Variants in FBXW8 observed in about 807,000 individuals in gnomAD.
The protein encoded by FBXW8 is F-box/WD repeat-containing protein 8.
Under a neutral mutation model 65.3 loss-of-function variants are expected in FBXW8, and 57 were observed. The ratio of observed to expected loss-of-function variants is 0.87; its 90% CI spans 0.71 to 1.09. The LOEUF is 1.09. FBXW8 is among the 50% of genes least tolerant of loss of function. The probability of loss-of-function intolerance (pLI) is 0.00; values close to 1 mark genes in which losing one functional copy is unlikely to be tolerated. For missense variants in FBXW8, 777 were observed against 814.8 expected, an observed-to-expected ratio of 0.95 and a Z score of 0.57; for synonymous variants, 308 against 330.2, an observed-to-expected ratio of 0.93 and a Z score of 0.73.
intron 4 of FBXW8, chr12:116,950,974 A>G (rs974650873): frequency 6.6e-6 from 1 of 152,230 alleles, no homozygotes; most frequent in Non-Finnish European, 1.5e-5. Flanking sequence ...GACTGGACTG[A>G]AAGAGTCGCA....
At chr12:116,922,563 A>G (rs1300524532) in intron 1 of FBXW8, among the ~76,000 whole-genome samples, 1 of 152,214 alleles carries the variant, frequency 6.6e-6, no homozygotes, top group Non-Finnish European at 1.5e-5. Context: ...GGCTCTTAGT[A>G]ATTATCTGTT....
intron 5 of FBXW8, among the ~76,000 whole-genome samples, chr12:116,984,615 A>G (rs955846264): frequency 8.5e-5 from 13 of 152,254 alleles, no homozygotes. Context: ...TGCTACATGT[A>G]GGAAATTTCA....
chr12:116,962,958 G>A (rs1884074341), intron 4 of FBXW8, among the ~76,000 whole-genome samples: 1 of 152,220 alleles, frequency 6.6e-6, no homozygotes, highest in Non-Finnish European at 1.5e-5. Flanking sequence ...TGGAGAGCCT[G>A]GGGGCCAGTG....
chr12:117,010,000 C>T (rs925195040), intron 7 of FBXW8, among the ~76,000 whole-genome samples: 3 of 152,164 alleles, frequency 2.0e-5, no homozygotes, highest in Non-Finnish European at 4.4e-5. Context: ...TCAGTGGCCC[C>T]GTGGTTTCCA....
In FBXW8 at chr12:116,961,174, T is replaced by A. The variant is rs1263761358; in HGVS notation, c.678-3523T>A. Among the ~76,000 whole-genome samples, 3 of 152,198 alleles carry A rather than the reference T, an allele frequency of 2.0e-5. No homozygotes were observed. Among genetic ancestry groups the A allele is most frequent in the Non-Finnish European group, 4.4e-5 (3 of 68,028 alleles). ...CCACACCTGGCTAATTTTTGCATTT[T>A]TAGTAGAGACGAGGTTTCACCCTGT... On this transcript the variant is annotated intron_variant, in intron 4 of 10. Transcript: ENST00000652555. The surrounding 1 kb of genome is among the most constrained non-coding windows in gnomAD (Gnocchi z 4.4).
intron 2 of FBXW8, 89 bp from the exon 3 acceptor site, chr12:116,945,275 G>T: frequency 7.6e-7 from 1 of 1,323,026 alleles, no homozygotes; most frequent in Non-Finnish European, 1.0e-6. Flanking sequence ...TAAACCCAGG[G>T]CAATAATATA....
chr12:117,028,166 T>C lies in FBXW8; in HGVS notation c.1791T>C (p.His597=), dbSNP rs761154152. Residue 597 remains histidine (H), a synonymous_variant, in exon 11 of 11, where the codon CAT becomes CAC. Transcript: ENST00000652555. This position sits in a 1 kb window ranked among gnomAD's most constrained non-coding sequence, Gnocchi z 4.1. ...YDLALAFPYN[H]V is the part of the protein sequence containing the mutation. ...TCGCACTGGCCTTTCCCTATAACCA[T>C]GTTTAGGGATGTGCCTCAGTTGGGA... is the stretch of plus-strand genomic sequence containing the variant. 1 of 1,613,936 alleles carries C rather than the reference T, an allele frequency of 6.2e-7. No homozygotes were observed. The highest frequency in any genetic ancestry group is 1.1e-5 in the South Asian group (1 of 91,074).
intron 1 of FBXW8, among the ~76,000 whole-genome samples, chr12:116,914,622 T>C (rs1430110599): frequency 2.9e-5 from 4 of 136,374 alleles, no homozygotes; most frequent in Non-Finnish European, 6.3e-5. Flanking sequence ...ATACCTGTAA[T>C]CCCAGCACTT....
At chr12:116,932,957 T>C (rs951383288) in intron 2 of FBXW8, among the ~76,000 whole-genome samples, 1 of 152,192 alleles carries the variant, frequency 6.6e-6, no homozygotes. Context: ...TTGGCAGATA[T>C]TTTTTGATGC....
At chr12:117,000,110 T>G (rs948102830) in intron 7 of FBXW8, among the ~76,000 whole-genome samples, 1 of 151,598 alleles carries the variant, frequency 6.6e-6, no homozygotes, top group Non-Finnish European at 1.5e-5. Flanking sequence ...GCCTCCCGAG[T>G]AGCTGGGACT....
At chr12:116,930,853 G>A (rs1049152147) in intron 2 of FBXW8, among the ~76,000 whole-genome samples, 7 of 152,104 alleles carry the variant, frequency 4.6e-5, no homozygotes, top group African/African-American at 1.7e-4. Flanking sequence ...TGTTGCCCAG[G>A]CTGGCATGCA....
intron 5 of FBXW8, among the ~76,000 whole-genome samples, chr12:116,968,546 T>A (rs1013053346): frequency 1.3e-5 from 2 of 152,312 alleles, no homozygotes; most frequent in South Asian, 4.1e-4. Context: ...ACAGTTGTGT[T>A]GTGTTTGCCG....
At chr12:116,975,241 C>G (rs1042232349) in intron 5 of FBXW8, among the ~76,000 whole-genome samples, 2 of 152,144 alleles carry the variant, frequency 1.3e-5, no homozygotes, top group African/African-American at 2.4e-5. Flanking sequence ...TGTCTCTGTC[C>G]GTTTGGGCTG....
rs555248947 is a variant in FBXW8 at position 117,027,468 on chromosome 12, G to T, written c.1616G>T (p.Arg539Leu). The change falls in exon 10 of 11, where the codon CGA (arginine) becomes CTA (leucine). Residue 539 changes from arginine to leucine, a missense_variant. By Grantham distance (102) the Arg-to-Leu change is moderately radical (BLOSUM62 -2). Coordinates refer to ENST00000652555, the MANE Select transcript of FBXW8 (RefSeq NM_153348.3). ...AACGTGCCTTACCAGACGGTAATGCGAAACGCCGACCTGGACAGCTTCACT... is the reference window on the plus strand; with the variant it reads ...AACGTGCCTTACCAGACGGTAATGCTAAACGCCGACCTGGACAGCTTCACT... ...TANVPYQTVMRNADLDSFTTH... is the reference protein window; with the variant it reads ...TANVPYQTVMLNADLDSFTTH... The T allele has an allele frequency of 3.7e-6, 6 of 1,614,004 alleles. No individual in the cohort carries two copies. The highest frequency in any genetic ancestry group is 5.1e-6 in the Non-Finnish European group (6 of 1,180,016).
rs1002996545 is a variant in FBXW8, at chr12:116,961,785, T to G, written c.678-2912T>G. On this transcript the variant is annotated intron_variant, in intron 4 of 10. Coordinates refer to ENST00000652555, the MANE Select transcript of FBXW8 (RefSeq NM_153348.3). This position sits in a 1 kb window ranked among gnomAD's most constrained non-coding sequence, Gnocchi z 4.4. ...GAAGGTAGATCGTAGTGCGGTGTAG[T>G]GTGGCATGTGAGGGAGAAAGGAAGT... Among the ~76,000 whole-genome samples the G allele has an allele frequency of 1.3e-5, 2 of 152,076 alleles. No homozygotes were observed. The highest frequency in any genetic ancestry group is 2.9e-5 in the Non-Finnish European group (2 of 68,024).
chr12:116,998,778 G>T (rs2135691739), intron 7 of FBXW8, among the ~76,000 whole-genome samples: 1 of 152,336 alleles, frequency 6.6e-6, no homozygotes, highest in Admixed American at 6.5e-5. Context: ...TGCTTCCCCT[G>T]CATGTCCAGA....
chr12:116,960,636 A>G (rs1883925592), intron 4 of FBXW8, among the ~76,000 whole-genome samples: 1 of 152,146 alleles, frequency 6.6e-6, no homozygotes, highest in South Asian at 2.1e-4. Flanking sequence ...TTCACTCATC[A>G]TTACCATTGG....
chr12:116,980,584 TATG>T (rs1168418663), intron 5 of FBXW8, among the ~76,000 whole-genome samples: 4 of 152,206 alleles, frequency 2.6e-5, no homozygotes, highest in Admixed American at 6.5e-5. Flanking sequence ...AGGTCCGCAG[TATG>T]ATAACACTTG....
At chr12:116,995,567 T>C (rs1592938211) in intron 7 of FBXW8, among the ~76,000 whole-genome samples, 1 of 151,926 alleles carries the variant, frequency 6.6e-6, no homozygotes, top group South Asian at 2.1e-4. Flanking sequence ...GGTATTTTTT[T>C]CCTCAGTTCC....
Sources: gnomAD v4.1 joint callset for allele counts (sites outside exome capture counted in the v4.1 genomes callset) on GRCh38, gnomAD v4.1.1 for gene constraint, Gnocchi (gnomAD v3.1) non-coding constraint, MANE v1.5 for transcripts, NCBI Gene and HGNC (gene_info 2026-07-23, HGNC 2026-07-21) for gene names.